Variants in IL1RAPL1 observed in about 807,000 individuals in gnomAD.
IL1RAPL1 encodes interleukin 1 receptor accessory protein like 1, also known as interleukin-1 receptor accessory protein-like 1.
IL1RAPL1 carries 3 observed loss-of-function variants against 48.4 expected under a neutral mutation model. The observed-to-expected ratio is 0.06, with a 90% CI of 0.03 to 0.16. IL1RAPL1 has a LOEUF of 0.16. Ranked by LOEUF, IL1RAPL1 falls within the 10% of genes least tolerant of loss-of-function variation. The pLI, the probability that IL1RAPL1 is intolerant of heterozygous loss-of-function variation, is 1.00. For synonymous variants in IL1RAPL1, 185 were observed against 187.7 expected, an observed-to-expected ratio of 0.99 and a Z score of 0.12; for missense variants, 349 against 530.6, an observed-to-expected ratio of 0.66 and a Z score of 3.36.
intron 2 of IL1RAPL1, among the ~76,000 whole-genome samples, chrX:29,011,432 T>G (rs922612639): frequency 8.9e-6 from 1 of 112,525 alleles, no homozygotes; most frequent in African/African-American, 3.2e-5. Context: ...GAATGGAATA[T>G]AACTCAGTAA....
chrX:28,815,406 A>G (rs1394346129), intron 2 of IL1RAPL1, among the ~76,000 whole-genome samples: 1 of 110,876 alleles, frequency 9.0e-6, no homozygotes, highest in Admixed American at 9.6e-5. Flanking sequence ...GAATCAAATC[A>G]GGATAATTGG....
At position 28,712,823 on chromosome X, in the gene IL1RAPL1, AT is replaced by A. The variant is rs1296494885; in HGVS notation, c.-24-76489del. Among the ~76,000 whole-genome samples the A allele has an allele frequency of 9.8e-3, 1,085 of 110,424 alleles. 12 individuals are homozygous for A. The highest frequency in any genetic ancestry group is 0.034 in the African/African-American group (1,028 of 30,414). On this transcript the variant is annotated intron_variant, in intron 1 of 10. Coordinates refer to ENST00000378993, the MANE Select transcript of IL1RAPL1 (RefSeq NM_014271.4). ...TTAGCTTTGTGTATTGTTTGAGGCT[AT>A]TTTTTTTAAAAAAAGAGAATTTTAA...
At chrX:29,914,528 T>G (rs1280782636) in intron 6 of IL1RAPL1, among the ~76,000 whole-genome samples, 1 of 111,491 alleles carries the variant, frequency 9.0e-6, no homozygotes, top group Non-Finnish European at 1.9e-5. Flanking sequence ...TTAAACTTGG[T>G]CTTATAAAAG....
intron 1 of IL1RAPL1, among the ~76,000 whole-genome samples, chrX:28,744,827 G>A (rs1268160941): frequency 1.8e-5 from 2 of 111,558 alleles, no homozygotes; most frequent in Non-Finnish European, 3.8e-5. Flanking sequence ...GATTTGTGTG[G>A]TCAGTAAAGT....
rs1203248525 is a variant in IL1RAPL1, at chrX:29,350,191, T to TTATATATGTA, written c.363-46060_363-46059insGTATATATAT. Among the ~76,000 whole-genome samples, 106 of 39,424 alleles carry TTATATATGTA rather than the reference T, an allele frequency of 2.7e-3. 6 individuals are homozygous for TTATATATGTA. The highest frequency in any genetic ancestry group is 0.018 in the African/African-American group (102 of 5,752). The allele number at this position is 39,424 out of a possible 115,157, so 34.2% of individuals were successfully genotyped here. On this transcript the variant is annotated intron_variant, in intron 3 of 10. Coordinates refer to ENST00000378993, the MANE Select transcript of IL1RAPL1 (RefSeq NM_014271.4). ...CTCCCTTGGTCTACATACTGTTATT[T>TTATATATGTA]TATATATATATATATATATATATAT...
At chrX:29,750,741 A>G (rs1047805644) in intron 6 of IL1RAPL1, among the ~76,000 whole-genome samples, 8 of 111,770 alleles carry the variant, frequency 7.2e-5, no homozygotes, top group African/African-American at 2.6e-4. Flanking sequence ...TAATTACATC[A>G]CCCTAAGATA....
chrX:29,218,491 A>G (rs1403806224), intron 2 of IL1RAPL1, among the ~76,000 whole-genome samples: 2 of 111,989 alleles, frequency 1.8e-5, no homozygotes, highest in Non-Finnish European at 3.8e-5. Context: ...TTTTAGGGTG[A>G]CAATGCAACT....
intron 5 of IL1RAPL1, among the ~76,000 whole-genome samples, chrX:29,592,033 T>TGG (rs1358642257): frequency 1.8e-5 from 2 of 111,414 alleles, no homozygotes; most frequent in African/African-American, 3.3e-5. Context: ...AAACCTAAAA[T>TGG]GGGGAAACTC....
intron 6 of IL1RAPL1, among the ~76,000 whole-genome samples, chrX:29,805,904 ATAAG>A (rs746682373): frequency 1.9e-4 from 21 of 109,063 alleles, no homozygotes; most frequent in African/African-American, 6.9e-4. Flanking sequence ...AAAATTGTAT[ATAAG>A]TAAGGAAGAA....
chrX:29,879,083 A>T (rs1931968902), intron 6 of IL1RAPL1, among the ~76,000 whole-genome samples: 3 of 111,673 alleles, frequency 2.7e-5, no homozygotes, highest in Non-Finnish European at 1.9e-5. Flanking sequence ...AGTAAACACC[A>T]AAGCAGACTC....
intron 1 of IL1RAPL1, chrX:28,658,997 A>G (rs1164750022): frequency 8.8e-6 from 4 of 454,620 alleles, no homozygotes; most frequent in Non-Finnish European, 1.5e-5. Context: ...CAGAACTACC[A>G]GTAACAGGAA....
At chrX:29,490,215 TA>T (rs200111189) in intron 5 of IL1RAPL1, among the ~76,000 whole-genome samples, 112 of 109,242 alleles carry the variant, frequency 1.0e-3, no homozygotes, top group African/African-American at 3.0e-3. Flanking sequence ...AATTAAAATT[TA>T]AAAAAAAAGC....
intron 5 of IL1RAPL1, among the ~76,000 whole-genome samples, chrX:29,639,557 T>G (rs1435526257): frequency 9.2e-6 from 1 of 108,369 alleles, no homozygotes; most frequent in Admixed American, 9.9e-5. Flanking sequence ...TTTTTTTTTT[T>G]TTTTTTTTTT....
intron 2 of IL1RAPL1, among the ~76,000 whole-genome samples, chrX:29,165,061 G>A (rs1458377134): frequency 8.9e-6 from 1 of 112,199 alleles, no homozygotes; most frequent in Non-Finnish European, 1.9e-5. Flanking sequence ...GCTCACGCTT[G>A]TAATCCCAGC....
At chrX:28,964,220 T>C (rs1569209379) in intron 2 of IL1RAPL1, among the ~76,000 whole-genome samples, 1 of 111,871 alleles carries the variant, frequency 8.9e-6, no homozygotes, top group Non-Finnish European at 1.9e-5. Context: ...ACCATTTTTA[T>C]TTCCAGGAAT....
intron 2 of IL1RAPL1, among the ~76,000 whole-genome samples, chrX:29,059,089 C>T (rs1483143190): frequency 8.9e-6 from 1 of 111,782 alleles, no homozygotes; most frequent in Non-Finnish European, 1.9e-5. Flanking sequence ...TTTCACCGTG[C>T]AACTCGGTGG....
At chrX:29,045,623 C>T (rs1926939193) in intron 2 of IL1RAPL1, among the ~76,000 whole-genome samples, 2 of 110,981 alleles carry the variant, frequency 1.8e-5, no homozygotes, top group Non-Finnish European at 3.8e-5. Context: ...GGGCACTTGC[C>T]GGGCTAATTT....
chrX:29,169,331 G>A (rs761535731), intron 2 of IL1RAPL1, among the ~76,000 whole-genome samples: 1 of 110,144 alleles, frequency 9.1e-6, no homozygotes, highest in Admixed American at 9.8e-5. Flanking sequence ...TACAGTCACT[G>A]CCTCACTATA....
intron 5 of IL1RAPL1, among the ~76,000 whole-genome samples, chrX:29,439,851 G>GTTTTTTTTTTTTTTTT (rs760458968): frequency 1.7e-5 from 1 of 59,865 alleles, no homozygotes; most frequent in African/African-American, 7.1e-5. Context: ...TGTTTGTTTG[G>GTTTTTTTTTTTTTTTT]TTTTTTTTTT....
Sources: allele counts gnomAD v4.1 joint callset (sites outside exome capture counted in the v4.1 genomes callset), GRCh38; gene constraint gnomAD v4.1.1; transcripts MANE v1.5; gene names NCBI Gene and HGNC (gene_info 2026-07-23, HGNC 2026-07-21).